Variants in CCDC178 observed in about 807,000 individuals in gnomAD.
CCDC178 encodes the protein coiled-coil domain-containing protein 178.
In CCDC178, 126 loss-of-function variants were observed where a neutral mutation model predicts 117.4. The ratio of observed to expected loss-of-function variants is 1.07; its 90% CI spans 0.93 to 1.24. CCDC178 has a LOEUF of 1.24. CCDC178 is among the 50% of genes most tolerant of loss of function. The pLI, the probability that CCDC178 is intolerant of heterozygous loss-of-function variation, is 0.00. For missense variants in CCDC178, 1,030 were observed against 986.9 expected, an observed-to-expected ratio of 1.04 and a Z score of -0.59; for synonymous variants, 283 against 313.4, an observed-to-expected ratio of 0.90 and a Z score of 1.02.
intron 20 of CCDC178, among the ~76,000 whole-genome samples, chr18:33,144,444 C>A (rs573806357): frequency 3.7e-4 from 57 of 152,068 alleles, no homozygotes; most frequent in African/African-American, 1.4e-3. Flanking sequence ...AAGTTCTTTA[C>A]AAATTATAAA....
chr18:33,311,414 G>A (rs2062340656), intron 11 of CCDC178, among the ~76,000 whole-genome samples: 1 of 150,696 alleles, frequency 6.6e-6, no homozygotes, highest in Non-Finnish European at 1.5e-5. Flanking sequence ...AGACAGAGAG[G>A]CCACATGGCA....
chr18:33,199,030 T>A (rs2058964170), intron 20 of CCDC178, among the ~76,000 whole-genome samples: 1 of 151,942 alleles, frequency 6.6e-6, no homozygotes, highest in South Asian at 2.1e-4. Flanking sequence ...ATTACCCCAG[T>A]CTAAACCCTT....
At chr18:33,353,189 AAG>A (rs2063000448) in intron 7 of CCDC178, among the ~76,000 whole-genome samples, 1 of 151,956 alleles carries the variant, frequency 6.6e-6, no homozygotes, top group East Asian at 1.9e-4. Flanking sequence ...CTTTGATTTA[AAG>A]CCTATTTTGT....
Position 33,289,944 on chromosome 18 carries a change from C to T in CCDC178, c.1176+3215G>A, listed in dbSNP as rs1256528968. ...CACAAACTTTATTAATAATTCATAA[C>T]TTCAAACCTTGCAAATAAAAGCATA... On this transcript the variant is annotated intron_variant, in intron 12 of 22. Transcript: ENST00000383096. Among the ~76,000 whole-genome samples, 2 of 152,056 alleles carry T rather than the reference C, an allele frequency of 1.3e-5. 1 individual carries two copies. The highest frequency in any genetic ancestry group is 4.8e-5 in the African/African-American group (2 of 41,424).
At chr18:32,992,570 A>G (rs1394560714) in intron 21 of CCDC178, among the ~76,000 whole-genome samples, 2 of 152,204 alleles carry the variant, frequency 1.3e-5, no homozygotes. Flanking sequence ...TCTGAGGAAT[A>G]AAGCAGAAAT....
intron 15 of CCDC178, among the ~76,000 whole-genome samples, chr18:33,243,865 T>C (rs2059515953): frequency 6.6e-6 from 1 of 151,838 alleles, no homozygotes; most frequent in Admixed American, 6.6e-5. Context: ...TTCATTGATA[T>C]CCTCAAAGAA....
At chr18:33,028,344 T>C (rs1405318612) in intron 21 of CCDC178, among the ~76,000 whole-genome samples, 1 of 151,818 alleles carries the variant, frequency 6.6e-6, no homozygotes, top group Non-Finnish European at 1.5e-5. Flanking sequence ...AATGTTGAAA[T>C]ACATTCATCA....
chr18:33,050,066 G>T (rs1390846446), intron 21 of CCDC178, among the ~76,000 whole-genome samples: 1 of 152,160 alleles, frequency 6.6e-6, no homozygotes, highest in East Asian at 1.9e-4. Context: ...GGGTGACAGA[G>T]CAAGACTCCA....
intron 20 of CCDC178, among the ~76,000 whole-genome samples, chr18:33,117,648 C>T (rs961852232): frequency 9.2e-5 from 14 of 151,806 alleles, no homozygotes; most frequent in African/African-American, 3.1e-4. Flanking sequence ...GTGCAGCACA[C>T]CAACATGGCA....
intron 18 of CCDC178, among the ~76,000 whole-genome samples, chr18:33,219,077 TC>T (rs2059201445): frequency 6.6e-6 from 1 of 152,186 alleles, no homozygotes; most frequent in Admixed American, 6.6e-5. Context: ...ATTATTCCTA[TC>T]GATCAACATG....
chr18:33,122,963 C>T (rs2057956849), intron 20 of CCDC178, among the ~76,000 whole-genome samples: 1 of 152,118 alleles, frequency 6.6e-6, no homozygotes, highest in South Asian at 2.1e-4. Flanking sequence ...GAACAAGAAG[C>T]ACTAAGAACA....
rs1438352669 is a variant in CCDC178 at position 33,014,989 on chromosome 18, C to T, written c.2389-40308G>A. Among the ~76,000 whole-genome samples the T allele has an allele frequency of 2.6e-5, 4 of 152,128 alleles. No homozygotes were observed. The South Asian group carries it at 8.3e-4, about 32-fold the overall frequency. On this transcript the variant is annotated intron_variant, in intron 21 of 22. Coordinates refer to ENST00000383096, the MANE Select transcript of CCDC178 (RefSeq NM_001105528.4). ...ACAGGAAAGAGGCTGGGTGTGGTGG[C>T]TCACACCTGTAATCCCAGCACTTTG...
chr18:33,347,561 T>G (rs369113952), intron 8 of CCDC178, among the ~76,000 whole-genome samples: 1 of 152,154 alleles, frequency 6.6e-6, no homozygotes, highest in Admixed American at 6.5e-5. Context: ...TTCTACCACA[T>G]CTTGGATACT....
chr18:33,036,715 G>A (rs769301647), intron 21 of CCDC178, among the ~76,000 whole-genome samples: 32 of 152,092 alleles, frequency 2.1e-4, no homozygotes, highest in Admixed American at 3.9e-4. Context: ...AAGGAGGAGA[G>A]TCTGGCAGAG....
At position 33,100,110 on chromosome 18, in the gene CCDC178, C is replaced by T. The variant is rs992923393; in HGVS notation, c.2239-7200G>A. Among the ~76,000 whole-genome samples, 11 of 151,942 alleles carry T rather than the reference C, an allele frequency of 7.2e-5. No individual in the cohort carries two copies. The East Asian group carries it at 1.4e-3, about 19-fold the overall frequency. On this transcript the variant is annotated intron_variant, in intron 20 of 22. Coordinates refer to ENST00000383096, the MANE Select transcript of CCDC178 (RefSeq NM_001105528.4). Reference sequence around the variant, plus strand: ...ATGAAAGCCTGTGACACGCAGCTGACGAATCATACCTGTCCCTGCCAGAGT... The same window carrying T: ...ATGAAAGCCTGTGACACGCAGCTGATGAATCATACCTGTCCCTGCCAGAGT...
intron 21 of CCDC178, among the ~76,000 whole-genome samples, chr18:32,975,058 G>A (rs764502043): frequency 7.2e-5 from 11 of 152,200 alleles, no homozygotes; most frequent in Admixed American, 2.0e-4. Context: ...TTTTGAAGCC[G>A]TTTTGAATGG....
rs556618806 is a variant in CCDC178, at chr18:33,184,646, G to T, written c.2238+27250C>A. Among the ~76,000 whole-genome samples the T allele has an allele frequency of 2.9e-4, 44 of 152,034 alleles. 2 individuals carry two copies. The South Asian group carries it at 6.6e-3, about 23-fold the overall frequency. On this transcript the variant is annotated intron_variant, in intron 20 of 22. Transcript: ENST00000383096. ...CTTCTTCAAATATTAGTCTATTTTTGGGGGAAAACTTCATAGACTCAGAAT... is the reference window on the plus strand; with the variant it reads ...CTTCTTCAAATATTAGTCTATTTTTTGGGGAAAACTTCATAGACTCAGAAT...
rs531234924 is a variant in CCDC178 at position 33,293,156 on chromosome 18, C to T, written c.1176+3G>A. On this transcript the variant is annotated splice_donor_region_variant and intron_variant, in intron 12 of 22. Coordinates refer to ENST00000383096, the MANE Select transcript of CCDC178 (RefSeq NM_001105528.4). Reference sequence around the variant, plus strand: ...TTTTTTATTTCTAATATGAAAAACTCACCATTTTTGATAGAGAATGTAATT... The same window carrying T: ...TTTTTTATTTCTAATATGAAAAACTTACCATTTTTGATAGAGAATGTAATT... 6.5e-7 allele frequency: 1 copy of T among 1,543,240 alleles called. No individual in the cohort carries two copies. The highest frequency in any genetic ancestry group is 1.4e-5 in the African/African-American group (1 of 72,252).
intron 6 of CCDC178, among the ~76,000 whole-genome samples, chr18:33,358,726 TAAAC>T (rs774718916): frequency 8.6e-5 from 13 of 151,828 alleles, no homozygotes; most frequent in Admixed American, 4.6e-4. Context: ...AAATTTTTCT[TAAAC>T]AAGACACAAA....
Sources: allele counts gnomAD v4.1 joint callset (sites outside exome capture counted in the v4.1 genomes callset), GRCh38; gene constraint gnomAD v4.1.1; transcripts MANE v1.5; gene names NCBI Gene and HGNC (gene_info 2026-07-23, HGNC 2026-07-21).